PLEKHH2: variants seen among roughly 807,000 people sequenced by gnomAD.
The protein encoded by PLEKHH2 is pleckstrin homology, MyTH4 and FERM domain containing H2.
Under a neutral mutation model 187.9 loss-of-function variants are expected in PLEKHH2, and 129 were observed. The observed-to-expected ratio is 0.69, with a 90% confidence interval of 0.59 to 0.79. PLEKHH2 has a LOEUF of 0.79. PLEKHH2 is among the 30% of genes least tolerant of loss of function. The pLI, the probability that PLEKHH2 is intolerant of heterozygous loss-of-function variation, is 0.00. For missense variants in PLEKHH2, 2,076 were observed against 1,751.2 expected, an observed-to-expected ratio of 1.19 and a Z score of -3.31; for synonymous variants, 686 against 605.6, an observed-to-expected ratio of 1.13 and a Z score of -1.95.
Position 43,699,772 on chromosome 2 carries a change from G to C in PLEKHH2, c.814G>C (p.Asp272His). 6.2e-7 allele frequency: 1 copy of C among 1,614,170 alleles called. No individual in the cohort carries two copies. Among genetic ancestry groups the C allele is most frequent in the Non-Finnish European group, 8.5e-7 (1 of 1,180,030 alleles). ...NRKTRTSFAT[D>H]GGISQNSGAP... ...GAAAACAAGAACAAGCTTTGCCACA[G>C]ATGGTGGCATCTCCCAGAATTCTGG... The change falls in exon 8 of 30, where the codon GAT (aspartate) becomes CAT (histidine). Residue 272 changes from aspartate to histidine, a missense_variant. Physicochemically the swap from Asp to His is moderately conservative, Grantham distance 81. Transcript: ENST00000282406.
At chr2:43,643,793 A>T (rs886796186) in intron 1 of PLEKHH2, among the ~76,000 whole-genome samples, 9 of 152,092 alleles carry the variant, frequency 5.9e-5, no homozygotes, top group Non-Finnish European at 1.3e-4. Flanking sequence ...ATATTACCAA[A>T]CATTTAAAAC....
chr2:43,709,158 T>G (rs1402603007), intron 11 of PLEKHH2, among the ~76,000 whole-genome samples: 1 of 152,252 alleles, frequency 6.6e-6, no homozygotes, highest in Non-Finnish European at 1.5e-5. Flanking sequence ...TTATAGCTGC[T>G]GGCAAGTGAA....
intron 2 of PLEKHH2, among the ~76,000 whole-genome samples, chr2:43,677,564 A>G (rs562900014): frequency 2.6e-5 from 4 of 151,982 alleles, no homozygotes; most frequent in African/African-American, 7.2e-5. Context: ...TTTTCTTAGT[A>G]CAGAACAAAA....
intron 2 of PLEKHH2, among the ~76,000 whole-genome samples, chr2:43,678,191 T>C (rs1178176991): frequency 1.3e-5 from 2 of 148,570 alleles, no homozygotes; most frequent in African/African-American, 2.5e-5. Context: ...CTAGATGGGA[T>C]GGCGGCCGGG....
intron 2 of PLEKHH2, among the ~76,000 whole-genome samples, chr2:43,673,239 A>C (rs989456720): frequency 4.6e-5 from 7 of 152,118 alleles, no homozygotes; most frequent in African/African-American, 1.7e-4. Flanking sequence ...CAAGTCCCAA[A>C]TATATCATTT....
At chr2:43,715,990 G>C (rs2104531448) in intron 15 of PLEKHH2, among the ~76,000 whole-genome samples, 1 of 152,328 alleles carries the variant, frequency 6.6e-6, no homozygotes, top group Admixed American at 6.5e-5. Context: ...AGTAATGCCT[G>C]TGACTGATCT....
chr2:43,740,566 G>A (rs771739823), intron 20 of PLEKHH2, among the ~76,000 whole-genome samples: 1 of 152,154 alleles, frequency 6.6e-6, no homozygotes, highest in Non-Finnish European at 1.5e-5. Flanking sequence ...TTTAGGGCAT[G>A]TGTTTTCTAC....
At chr2:43,680,036 G>A (rs1287459179) in intron 3 of PLEKHH2, among the ~76,000 whole-genome samples, 1 of 151,998 alleles carries the variant, frequency 6.6e-6, no homozygotes, top group African/African-American at 2.4e-5. Flanking sequence ...GCATTAAAAT[G>A]AGCAGTAAAA....
intron 15 of PLEKHH2, among the ~76,000 whole-genome samples, chr2:43,712,803 A>C (rs1313085487): frequency 6.6e-6 from 1 of 152,190 alleles, no homozygotes; most frequent in Non-Finnish European, 1.5e-5. Context: ...AAGGAATACA[A>C]ATGATCAATA....
intron 1 of PLEKHH2, among the ~76,000 whole-genome samples, chr2:43,641,429 C>A (rs1466327329): frequency 6.6e-6 from 1 of 152,082 alleles, no homozygotes; most frequent in African/African-American, 2.4e-5. Flanking sequence ...CACAGGCAGC[C>A]CAGGATGGCT....
chr2:43,701,707 A>T (rs1243950070), intron 8 of PLEKHH2, among the ~76,000 whole-genome samples: 2 of 134,214 alleles, frequency 1.5e-5, no homozygotes, highest in African/African-American at 5.8e-5. Flanking sequence ...CTGCTAGACT[A>T]AAAAAAAAAA....
At chr2:43,702,102 C>G (rs1476750601) in intron 8 of PLEKHH2, among the ~76,000 whole-genome samples, 1 of 152,180 alleles carries the variant, frequency 6.6e-6, no homozygotes, top group African/African-American at 2.4e-5. Flanking sequence ...TTAAGTTTTT[C>G]TTCACATGCT....
chr2:43,645,904 A>G (rs1049626962), intron 2 of PLEKHH2, among the ~76,000 whole-genome samples: 1 of 152,164 alleles, frequency 6.6e-6, no homozygotes, highest in African/African-American at 2.4e-5. Flanking sequence ...AGATTGGTAC[A>G]TGTATCATAT....
intron 7 of PLEKHH2, among the ~76,000 whole-genome samples, chr2:43,698,126 A>G (rs548850038): frequency 6.6e-5 from 10 of 152,340 alleles, no homozygotes; most frequent in South Asian, 2.1e-4. Context: ...GAGAAAAAGT[A>G]TAACAGTAAA....
At position 43,726,387 on chromosome 2, in the gene PLEKHH2, C is replaced by T. The variant is rs1670745554; in HGVS notation, c.2657C>T (p.Thr886Ile). The T allele has an allele frequency of 6.2e-7, 1 of 1,611,324 alleles. No individual in the cohort carries two copies. The highest frequency in any genetic ancestry group is 8.5e-7 in the Non-Finnish European group (1 of 1,177,498). ...CGAAGTCTGTTATCCACACATTATA[C>T]TATCGTTATCCATCCCAAAGACCAA... ...SGRSLLSTHY[T>I]IVIHPKDQGP... The change falls in exon 17 of 30, where the codon ACT becomes ATT. Residue 886 changes from threonine to isoleucine, a missense_variant. Physicochemically the swap from Thr to Ile is moderately conservative, Grantham distance 89 (BLOSUM62 -1). Coordinates refer to ENST00000282406, the MANE Select transcript of PLEKHH2 (RefSeq NM_172069.4).
chr2:43,720,839 A>C, intron 16 of PLEKHH2, 90 bp downstream of exon 16: 1 of 1,490,060 alleles, frequency 6.7e-7, no homozygotes, highest in Non-Finnish European at 8.9e-7. Flanking sequence ...TTACTTTGTA[A>C]AACTTCAGAA....
chr2:43,741,177 G>T, intron 21 of PLEKHH2, 134 bp downstream of exon 21: 2 of 696,396 alleles, frequency 2.9e-6, no homozygotes, highest in South Asian at 3.2e-5. Flanking sequence ...GGAAGCCTTT[G>T]GTTATCATTG....
intron 2 of PLEKHH2, among the ~76,000 whole-genome samples, chr2:43,678,079 G>A (rs1286867378): frequency 1.3e-4 from 19 of 151,380 alleles, no homozygotes; most frequent in Admixed American, 2.0e-4. Context: ...ACGGGGTCGC[G>A]GCCGGGCAGA....
At chr2:43,679,567 C>T in intron 3 of PLEKHH2, 1 of 289,994 alleles carries the variant, frequency 3.4e-6, no homozygotes, top group Non-Finnish European at 6.6e-6. Context: ...GCGATCTTGG[C>T]TTACTGCAAC....
Sources: gnomAD v4.1 joint callset for allele counts (sites outside exome capture counted in the v4.1 genomes callset) on GRCh38, gnomAD v4.1.1 for gene constraint, MANE v1.5 for transcripts, NCBI Gene and HGNC (gene_info 2026-07-23, HGNC 2026-07-21) for gene names.